KIF21A: variants seen among roughly 807,000 people sequenced by gnomAD.
KIF21A encodes the protein kinesin-like protein KIF21A.
KIF21A carries 114 observed loss-of-function variants against 202.9 expected under a neutral mutation model. The ratio of observed to expected loss-of-function variants is 0.56; its 90% confidence interval spans 0.48 to 0.66. The LOEUF is 0.66. Ranked by LOEUF, KIF21A falls within the 30% of genes least tolerant of loss-of-function variation. KIF21A has a pLI of 0.00. For synonymous variants in KIF21A, 667 were observed against 670.8 expected (o/e 0.99, Z 0.09); for missense variants, 1,677 against 1,994.9 (o/e 0.84, Z 3.04).
chr12:39,424,589 AC>A (rs1954601051), intron 1 of KIF21A, among the ~76,000 whole-genome samples: 1 of 152,144 alleles, frequency 6.6e-6, no homozygotes, highest in African/African-American at 2.4e-5. Flanking sequence ...TATTAATCTC[AC>A]CCCCAAAAAA....
rs756959146 is a variant in KIF21A at position 39,416,659 on chromosome 12, GTA to G, written c.44+26266_44+26267del. 5.1e-3 allele frequency among the ~76,000 whole-genome samples: 565 copies of G among 111,044 alleles called. 27 individuals are homozygous for G. The highest frequency in any genetic ancestry group is 5.9e-3 in the Non-Finnish European group (325 of 55,078). 72.8% of individuals were successfully genotyped at this position (111,044 alleles called of 152,430 possible). A position where few individuals can be genotyped will look rare whatever the true frequency, so the allele number is the denominator to read the frequency against. On this transcript the variant is annotated intron_variant, in intron 1 of 37. Transcript: ENST00000361418. ...TATATATATATGTACATATATATGT[GTA>G]TATATATATGTACATATATATGTGT... is the stretch of plus-strand genomic sequence containing the variant.
chr12:39,298,419 A>G (rs1405802047), intron 37 of KIF21A, among the ~76,000 whole-genome samples: 1 of 152,212 alleles, frequency 6.6e-6, no homozygotes, highest in Non-Finnish European at 1.5e-5. Flanking sequence ...GGAGCTATAT[A>G]TTGAAAACCT....
intron 1 of KIF21A, among the ~76,000 whole-genome samples, chr12:39,426,125 G>C (rs568849605): frequency 2.0e-5 from 3 of 152,004 alleles, no homozygotes; most frequent in Admixed American, 2.0e-4. Flanking sequence ...TGATGAAATG[G>C]AAACATACGA....
intron 1 of KIF21A, among the ~76,000 whole-genome samples, chr12:39,382,745 A>G (rs1950693320): frequency 6.6e-6 from 1 of 152,216 alleles, no homozygotes; most frequent in African/African-American, 2.4e-5. Context: ...TGAACAATTA[A>G]CAAACCCCCC....
At chr12:39,361,802 G>C (rs906616545) in intron 7 of KIF21A, among the ~76,000 whole-genome samples, 4 of 151,918 alleles carry the variant, frequency 2.6e-5, no homozygotes, top group African/African-American at 9.7e-5. Flanking sequence ...CACTGCGCCC[G>C]GCCAAAACAG....
chr12:39,355,128 T>A (rs1443153383), intron 10 of KIF21A, among the ~76,000 whole-genome samples: 1 of 152,070 alleles, frequency 6.6e-6, no homozygotes, highest in Non-Finnish European at 1.5e-5. Context: ...AACAAGGTAT[T>A]AACCTACACC....
At chr12:39,333,383 C>A in intron 17 of KIF21A, 103 bp from the exon 18 acceptor site, 2 of 851,478 alleles carry the variant, frequency 2.3e-6, no homozygotes, top group Non-Finnish European at 3.9e-6. Flanking sequence ...ACTATGAGTT[C>A]TTAGCAGAAT....
Position 39,319,944 on chromosome 12 carries a change from A to T in KIF21A, c.3741T>A (p.Tyr1247Ter). 1 of 1,608,904 alleles carries T rather than the reference A, an allele frequency of 6.2e-7. No individual in the cohort carries two copies. Among genetic ancestry groups the T allele is most frequent in the Non-Finnish European group, 8.5e-7 (1 of 1,176,608 alleles). The change falls in exon 28 of 38, where the codon TAT (tyrosine) becomes TAA (stop). Residue 1247 changes from tyrosine (Y) to a stop codon, truncating the protein, a stop_gained. Coordinates refer to ENST00000361418, the MANE Select transcript of KIF21A (RefSeq NM_001173464.2). LOFTEE classifies it high-confidence loss of function. ...TGGCCTTTGATTTTTCTGCTTTCTC[A>T]TATGCCTTTCTCCTTGTTACAGGAG... is the stretch of plus-strand genomic sequence containing the variant. The part of the protein sequence containing the change: ...EPSPVTRRKA[Y>*]EKAEKSKAKE...
At chr12:39,404,663 T>C (rs1952442063) in intron 1 of KIF21A, among the ~76,000 whole-genome samples, 1 of 152,218 alleles carries the variant, frequency 6.6e-6, no homozygotes, top group Non-Finnish European at 1.5e-5. Flanking sequence ...TACCATCCTG[T>C]TTCATTATAT....
At chr12:39,410,229 G>C (rs1159516307) in intron 1 of KIF21A, among the ~76,000 whole-genome samples, 3 of 152,180 alleles carry the variant, frequency 2.0e-5, no homozygotes, top group African/African-American at 7.2e-5. Flanking sequence ...TTCTCCCCTA[G>C]AGCCCTTGGA....
intron 1 of KIF21A, among the ~76,000 whole-genome samples, chr12:39,413,182 A>T (rs1953255182): frequency 6.6e-6 from 1 of 152,230 alleles, no homozygotes; most frequent in African/African-American, 2.4e-5. Flanking sequence ...TTATAAAAAA[A>T]AGAATACAGC....
intron 3 of KIF21A, among the ~76,000 whole-genome samples, chr12:39,369,156 C>T (rs921415028): frequency 1.3e-5 from 2 of 152,120 alleles, no homozygotes; most frequent in African/African-American, 2.4e-5. Flanking sequence ...ACAGTAATAA[C>T]CTTTATCTAT....
chr12:39,335,961 A>G (rs1358191678), intron 17 of KIF21A, among the ~76,000 whole-genome samples: 3 of 152,190 alleles, frequency 2.0e-5, no homozygotes, highest in Admixed American at 6.5e-5. Context: ...ACATTCCAAA[A>G]TAAATTTCCA....
chr12:39,296,002 A>T (rs1207857517), intron 37 of KIF21A, among the ~76,000 whole-genome samples: 1 of 112,146 alleles, frequency 8.9e-6, no homozygotes, highest in Admixed American at 9.9e-5. Flanking sequence ...CCACCCTGGG[A>T]TATGGTTTTT....
chr12:39,364,572 C>T (rs1436281091), intron 6 of KIF21A, among the ~76,000 whole-genome samples: 1 of 152,062 alleles, frequency 6.6e-6, no homozygotes, highest in Admixed American at 6.6e-5. Context: ...TGGTAATTTC[C>T]CCATAGACGG....
intron 1 of KIF21A, among the ~76,000 whole-genome samples, chr12:39,406,559 G>A (rs1201214729): frequency 6.6e-6 from 1 of 152,244 alleles, no homozygotes; most frequent in African/African-American, 2.4e-5. Context: ...AACAAAGCCT[G>A]TGTTCTAGGT....
At chr12:39,388,454 T>C (rs77580509) in intron 1 of KIF21A, among the ~76,000 whole-genome samples, 14 of 152,172 alleles carry the variant, frequency 9.2e-5, no homozygotes, top group African/African-American at 1.7e-4. Flanking sequence ...GTAACAAAAA[T>C]GGACGAAGAC....
rs1380371653 is a variant in KIF21A, at chr12:39,333,072, T to G, written c.2523A>C (p.Ser841=). 1.9e-6 allele frequency: 3 copies of G among 1,613,908 alleles called. No individual in the cohort carries two copies. The highest frequency in any genetic ancestry group is 1.7e-6 in the Non-Finnish European group (2 of 1,180,030). The change falls in exon 19 of 38, where the codon TCA becomes TCC. Residue 841 remains serine, a synonymous_variant. Transcript: ENST00000361418. ...TALRRQVRPM[S]DKVAGKVTRK... is the part of the protein sequence containing the mutation. ...GAGTAACTTTCCCAGCCACTTTATC[T>G]GACATGGGTCTTACTTGCCGACGAA... is the stretch of plus-strand genomic sequence containing the variant.
chr12:39,295,219 T>A (rs1245645211), intron 37 of KIF21A, among the ~76,000 whole-genome samples: 1 of 152,202 alleles, frequency 6.6e-6, no homozygotes, highest in Non-Finnish European at 1.5e-5. Flanking sequence ...AAATTGAAAT[T>A]TTTTATAAAA....
Sources: gnomAD v4.1 joint callset for allele counts (sites outside exome capture counted in the v4.1 genomes callset) on GRCh38, gnomAD v4.1.1 for gene constraint, MANE v1.5 for transcripts, NCBI Gene and HGNC (gene_info 2026-07-23, HGNC 2026-07-21) for gene names.